MAPK10: variants seen among roughly 807,000 people sequenced by gnomAD.
MAPK10 encodes mitogen-activated protein kinase 10, also known as JNK3 alpha protein kinase.
MAPK10 carries 25 observed loss-of-function variants against 59.3 expected under a neutral mutation model. The observed-to-expected ratio is 0.42, with a 90% CI of 0.31 to 0.59. The LOEUF is 0.59. MAPK10 is among the 20% of genes least tolerant of loss of function. The probability of loss-of-function intolerance (pLI) is 0.15; values close to 1 mark genes in which losing one functional copy is unlikely to be tolerated. For missense variants in MAPK10, 351 were observed against 568.9 expected (o/e 0.62, Z 3.90); for synonymous variants, 190 against 200.5 (o/e 0.95, Z 0.44).
At chr4:86,485,401 T>C (rs1753914016) in intron 1 of MAPK10, among the ~76,000 whole-genome samples, 2 of 152,222 alleles carry the variant, frequency 1.3e-5, no homozygotes, top group Admixed American at 1.3e-4. Context: ...TAGGAACATA[T>C]CCTTTTTCAG....
intron 4 of MAPK10, among the ~76,000 whole-genome samples, chr4:86,130,186 G>A (rs1433935735): frequency 6.6e-6 from 1 of 152,058 alleles, no homozygotes; most frequent in Non-Finnish European, 1.5e-5. Flanking sequence ...ATTTCAAGTT[G>A]TTGTGAGCTA....
At chr4:86,197,976 A>G (rs2149324394) in intron 2 of MAPK10, among the ~76,000 whole-genome samples, 1 of 152,266 alleles carries the variant, frequency 6.6e-6, no homozygotes, top group Non-Finnish European at 1.5e-5. Flanking sequence ...ATGTCAAGGT[A>G]AGCACTGCAG....
At chr4:86,234,151 C>T in intron 2 of MAPK10, among the ~76,000 whole-genome samples, 1 of 152,102 alleles carries the variant, frequency 6.6e-6, no homozygotes, top group East Asian at 1.9e-4. Context: ...TGATGTTAAT[C>T]TCACTTCCAT....
At chr4:86,512,204 A>G (rs974738576) in intron 1 of MAPK10, among the ~76,000 whole-genome samples, 11 of 152,188 alleles carry the variant, frequency 7.2e-5, no homozygotes, top group Non-Finnish European at 1.2e-4. Context: ...ACAAAGGTGG[A>G]AATATTTACT....
chr4:86,093,528 A>C (rs1270543771), intron 9 of MAPK10, among the ~76,000 whole-genome samples: 1 of 151,988 alleles, frequency 6.6e-6, no homozygotes, highest in Non-Finnish European at 1.5e-5. Flanking sequence ...TTGTTTAACA[A>C]AAGGACCTTG....
chr4:86,376,197 T>G (rs1162155370), intron 1 of MAPK10, among the ~76,000 whole-genome samples: 1 of 152,182 alleles, frequency 6.6e-6, no homozygotes, highest in African/African-American at 2.4e-5. Context: ...AAGGTACTAC[T>G]AAATAATAAA....
At chr4:86,198,231 A>C (rs774735910) in intron 2 of MAPK10, among the ~76,000 whole-genome samples, 2 of 151,458 alleles carry the variant, frequency 1.3e-5, no homozygotes, top group Non-Finnish European at 2.9e-5. Context: ...GGGTAGATCT[A>C]ATGACTATGG....
At chr4:86,256,262 G>T (rs748269199) in intron 2 of MAPK10, among the ~76,000 whole-genome samples, 1 of 152,294 alleles carries the variant, frequency 6.6e-6, no homozygotes, top group East Asian at 1.9e-4. Flanking sequence ...GAATGTGTCA[G>T]TAGCTTGCTC....
chr4:86,271,781 A>C lies in MAPK10; in HGVS notation c.-6-77374T>G, dbSNP rs192326325. ...AAAGGGGGGAAAAGCCCCTATAAAA[A>C]CATCAAATCTCATGAGAACTCACTC... On this transcript the variant is annotated intron_variant, in intron 2 of 13. Coordinates refer to ENST00000641462, the MANE Select transcript of MAPK10 (RefSeq NM_138982.4). Among the ~76,000 whole-genome samples, 884 of 152,106 alleles carry C rather than the reference A, an allele frequency of 5.8e-3. 8 individuals carry two copies. The highest frequency in any genetic ancestry group is 0.02 in the African/African-American group (832 of 41,512).
intron 13 of MAPK10, chr4:86,024,412 CTTA>C (rs1166280067): frequency 3.9e-5 from 6 of 152,178 alleles, no homozygotes; most frequent in African/African-American, 1.4e-4. Context: ...TCCTACTGCA[CTTA>C]TTTTCAAAAT....
chr4:86,219,625 G>T (rs2088906383), intron 2 of MAPK10: 1 of 151,954 alleles, frequency 6.6e-6, no homozygotes, highest in African/African-American at 2.4e-5. Flanking sequence ...TAATTAAAAA[G>T]GCTGTCAAGT....
intron 12 of MAPK10, among the ~76,000 whole-genome samples, chr4:86,030,253 C>T (rs959728824): frequency 6.6e-6 from 1 of 152,064 alleles, no homozygotes; most frequent in East Asian, 1.9e-4. Context: ...TCCATATTCA[C>T]CAACATGACC....
chr4:86,132,599 TAGG>T (rs1449085892), intron 4 of MAPK10, among the ~76,000 whole-genome samples: 1 of 152,158 alleles, frequency 6.6e-6, no homozygotes, highest in African/African-American at 2.4e-5. Context: ...GGCCACACAG[TAGG>T]AGGTGAGCTG....
At chr4:86,026,081 A>G (rs1229957131) in intron 13 of MAPK10, among the ~76,000 whole-genome samples, 1 of 152,200 alleles carries the variant, frequency 6.6e-6, no homozygotes. Context: ...CACTGGGGAG[A>G]GAATGGTTGC....
intron 1 of MAPK10, among the ~76,000 whole-genome samples, chr4:86,511,738 C>A (rs1031587712): frequency 7.2e-5 from 8 of 111,004 alleles, no homozygotes; most frequent in African/African-American, 2.1e-4. Context: ...GGAGGGGGAG[C>A]GAGAGGGAAA....
chr4:86,215,647 G>A (rs1022106725), intron 2 of MAPK10, among the ~76,000 whole-genome samples: 3 of 152,200 alleles, frequency 2.0e-5, no homozygotes, highest in African/African-American at 7.2e-5. Context: ...TGGATCACGA[G>A]GTTAGGAGAT....
intron 2 of MAPK10, among the ~76,000 whole-genome samples, chr4:86,220,590 G>A (rs1355648390): frequency 6.6e-6 from 1 of 152,174 alleles, no homozygotes; most frequent in East Asian, 1.9e-4. Flanking sequence ...ATACATATAT[G>A]ATTAACTGGC....
chr4:86,487,085 C>T (rs1754051439), intron 1 of MAPK10, among the ~76,000 whole-genome samples: 1 of 152,106 alleles, frequency 6.6e-6, no homozygotes, highest in Non-Finnish European at 1.5e-5. Context: ...GTACTGAAGA[C>T]ATGAGACAGT....
intron 1 of MAPK10, among the ~76,000 whole-genome samples, chr4:86,504,572 A>G (rs936605962): frequency 3.5e-4 from 54 of 152,268 alleles, no homozygotes; most frequent in Non-Finnish European, 6.0e-4. Flanking sequence ...TTCTTACTCA[A>G]AAACATTAGG....
Sources: allele counts gnomAD v4.1 joint callset (sites outside exome capture counted in the v4.1 genomes callset), GRCh38; gene constraint gnomAD v4.1.1; transcripts MANE v1.5; gene names NCBI Gene and HGNC (gene_info 2026-07-23, HGNC 2026-07-21).